ANKRD7: variants seen among roughly 807,000 people sequenced by gnomAD.
ANKRD7 encodes the protein ankyrin repeat domain-containing protein 7.
A neutral mutation model predicts 30.8 loss-of-function variants in ANKRD7; 30 were observed. The observed-to-expected ratio is 0.97, with a 90% CI of 0.73 to 1.32. The LOEUF is 1.32. Among genes scored for constraint, ANKRD7 ranks in the 40% most tolerant of loss-of-function variants. ANKRD7 has a pLI of 0.00. For synonymous variants in ANKRD7, 97 were observed against 106.6 expected (o/e 0.91, Z 0.55); for missense variants, 264 against 295.7 (o/e 0.89, Z 0.79).
chr7:118,226,857 A>G (rs1295127663), intron 1 of ANKRD7, among the ~76,000 whole-genome samples: 1 of 152,216 alleles, frequency 6.6e-6, no homozygotes, highest in Non-Finnish European at 1.5e-5. Context: ...AAAAAAATCT[A>G]TGTATAAGTG....
intron 1 of ANKRD7, 149 bp downstream of exon 1, chr7:118,225,158 C>G: frequency 2.2e-6 from 2 of 895,524 alleles, no homozygotes; most frequent in South Asian, 3.5e-5. Flanking sequence ...GGCAGAGGGT[C>G]CCACTCCAAC....
intron 6 of ANKRD7, 135 bp downstream of exon 6, chr7:118,240,133 T>C (rs1451269171): frequency 3.3e-6 from 1 of 302,910 alleles, no homozygotes; most frequent in African/African-American, 2.2e-5. Flanking sequence ...ATGTCAAATA[T>C]TTTTAAGAAC....
intron 1 of ANKRD7, among the ~76,000 whole-genome samples, chr7:118,225,802 G>C (rs1457594399): frequency 6.6e-6 from 1 of 152,176 alleles, no homozygotes; most frequent in Non-Finnish European, 1.5e-5. Flanking sequence ...TATTTGGACA[G>C]AGGATGATTT....
intron 1 of ANKRD7, among the ~76,000 whole-genome samples, chr7:118,233,315 C>A (rs1054580285): frequency 6.6e-6 from 1 of 152,064 alleles, no homozygotes; most frequent in African/African-American, 2.4e-5. Context: ...TTCTTCCTGA[C>A]TGTGCTCTCT....
At chr7:118,235,825 T>C (rs1357132067) in intron 3 of ANKRD7, among the ~76,000 whole-genome samples, 1 of 152,160 alleles carries the variant, frequency 6.6e-6, no homozygotes, top group Non-Finnish European at 1.5e-5. Flanking sequence ...ACAATTTGAA[T>C]TAAGCCTAAA....
chr7:118,241,185 A>AAT, intron 6 of ANKRD7, among the ~76,000 whole-genome samples: 1 of 150,434 alleles, frequency 6.6e-6, no homozygotes, highest in African/African-American at 2.4e-5. Context: ...AAAAAAAAAA[A>AAT]AGAATATATA....
intron 1 of ANKRD7, among the ~76,000 whole-genome samples, chr7:118,230,509 T>C (rs1329235463): frequency 8.4e-6 from 1 of 119,440 alleles, no homozygotes; most frequent in Non-Finnish European, 2.1e-5. Flanking sequence ...AAGAATTGAC[T>C]GCAAAGAATT....
At chr7:118,229,110 T>G (rs1809590623) in intron 1 of ANKRD7, among the ~76,000 whole-genome samples, 1 of 152,152 alleles carries the variant, frequency 6.6e-6, no homozygotes, top group Non-Finnish European at 1.5e-5. Flanking sequence ...CTGGCCTTCT[T>G]ACTGTTCCAC....
chr7:118,236,183 C>A, intron 4 of ANKRD7, 36 bp downstream of exon 4: 3 of 1,256,546 alleles, frequency 2.4e-6, no homozygotes, highest in Non-Finnish European at 2.3e-6. Flanking sequence ...ATAACTAAAG[C>A]TACCTGATAG....
At chr7:118,241,207 C>A (rs1339168124) in intron 6 of ANKRD7, among the ~76,000 whole-genome samples, 2 of 145,434 alleles carry the variant, frequency 1.4e-5, no homozygotes, top group Admixed American at 6.8e-5. Flanking sequence ...TTATTTAGGT[C>A]TGTAAAAATT....
rs1039398407 is a variant in ANKRD7 at position 118,236,810 on chromosome 7, T to A, written c.596T>A (p.Val199Asp). 1 of 1,613,904 alleles carries A rather than the reference T, an allele frequency of 6.2e-7. No homozygotes were observed. The highest frequency in any genetic ancestry group is 1.6e-4 in the Middle Eastern group (1 of 6,062). ...TCCAGAACAGCCCTTATTCTTGCTG[T>A]CAGTGGTGAACCACCATGTTTAGTA... ...NYQRTALILAVSGEPPCLVKL... is the reference protein window; with the variant it reads ...NYQRTALILADSGEPPCLVKL... The change falls in exon 5 of 7, where the codon GTC becomes GAC. Residue 199 changes from valine to aspartate, a missense_variant. Transcript: ENST00000265224.
chr7:118,226,282 C>A (rs541390742), intron 1 of ANKRD7, among the ~76,000 whole-genome samples: 4 of 152,198 alleles, frequency 2.6e-5, no homozygotes, highest in Admixed American at 1.3e-4. Flanking sequence ...TAATCAAATT[C>A]TTCTTTAATC....
chr7:118,225,157 T>G, intron 1 of ANKRD7, 148 bp downstream of exon 1: 1 of 904,158 alleles, frequency 1.1e-6, no homozygotes, highest in South Asian at 1.7e-5. Flanking sequence ...TGGCAGAGGG[T>G]CCCACTCCAA....
chr7:118,231,225 C>T (rs1284814210), intron 1 of ANKRD7, among the ~76,000 whole-genome samples: 3 of 151,942 alleles, frequency 2.0e-5, no homozygotes, highest in Admixed American at 2.0e-4. Flanking sequence ...GGAATAGCTC[C>T]CTGTTAATGT....
intron 4 of ANKRD7, 106 bp from the exon 5 acceptor site, chr7:118,236,684 C>G: frequency 8.3e-7 from 1 of 1,205,260 alleles, no homozygotes; most frequent in South Asian, 1.5e-5. Context: ...TTGACTCTTT[C>G]TGATAGAGGC....
At chr7:118,231,976 G>A (rs1243517307) in intron 1 of ANKRD7, among the ~76,000 whole-genome samples, 1 of 152,068 alleles carries the variant, frequency 6.6e-6, no homozygotes, top group Non-Finnish European at 1.5e-5. Flanking sequence ...ATGTATTCAT[G>A]AAAGTTAAGG....
Position 118,231,041 on chromosome 7 carries a change from T to C in ANKRD7, c.180-3390T>C, listed in dbSNP as rs1418369135. Among the ~76,000 whole-genome samples the C allele has an allele frequency of 2.0e-5, 3 of 152,178 alleles. No individual in the cohort carries two copies. In the East Asian group the frequency reaches 5.8e-4, roughly 29 times the overall value. On this transcript the variant is annotated intron_variant, in intron 1 of 6. Coordinates refer to ENST00000265224, the MANE Select transcript of ANKRD7 (RefSeq NM_019644.4). ...AAGCAGATTGTTCAGGAAGCCACAG[T>C]GGCCTAGCAGGAAAAACATTGTTCT...
chr7:118,234,891 G>A lies in ANKRD7; in HGVS notation c.468+17G>A. ...AAAAATAAGGTAGTTTTCTATTAAA[G>A]AAAAAAATCCTGTATTTTAGAAAGC... On this transcript the variant is annotated intron_variant, in intron 3 of 6. Coordinates refer to ENST00000265224, the MANE Select transcript of ANKRD7 (RefSeq NM_019644.4). 1 of 1,569,002 alleles carries A rather than the reference G, an allele frequency of 6.4e-7. No individual in the cohort carries two copies. The highest frequency in any genetic ancestry group is 2.0e-5 in the Admixed American group (1 of 48,874).
intron 3 of ANKRD7, among the ~76,000 whole-genome samples, chr7:118,235,580 C>G (rs989767904): frequency 6.7e-6 from 1 of 148,266 alleles, no homozygotes; most frequent in African/African-American, 2.5e-5. Context: ...CCACTGCACT[C>G]CAGCCTGGGC....
Sources: allele counts gnomAD v4.1 joint callset (sites outside exome capture counted in the v4.1 genomes callset), GRCh38; gene constraint gnomAD v4.1.1; transcripts MANE v1.5; gene names NCBI Gene and HGNC (gene_info 2026-07-23, HGNC 2026-07-21).